Variants in PTPRM observed in about 807,000 individuals in gnomAD.
PTPRM encodes protein tyrosine phosphatase receptor type M.
Under a neutral mutation model 186.7 loss-of-function variants are expected in PTPRM, and 47 were observed. The ratio of observed to expected loss-of-function variants is 0.25; its 90% CI spans 0.20 to 0.32. The LOEUF (loss-of-function observed/expected upper bound fraction) is 0.32. PTPRM is among the 10% of genes least tolerant of loss of function. PTPRM has a pLI of 1.00. For synonymous variants in PTPRM, 668 were observed against 674.9 expected (o/e 0.99, Z 0.16); for missense variants, 1,494 against 1,865.0 (o/e 0.80, Z 3.66).
chr18:7,620,600 T>C (rs961470840), intron 1 of PTPRM, among the ~76,000 whole-genome samples: 1 of 152,174 alleles, frequency 6.6e-6, no homozygotes, highest in Non-Finnish European at 1.5e-5. Context: ...AGAATCTGCT[T>C]TTCACAAATG....
intron 19 of PTPRM, among the ~76,000 whole-genome samples, chr18:8,291,581 C>T (rs547977365): frequency 2.6e-5 from 4 of 152,228 alleles, no homozygotes; most frequent in Non-Finnish European, 5.9e-5. Flanking sequence ...TTTAAAAGAA[C>T]ATGTGTAACT....
intron 23 of PTPRM, among the ~76,000 whole-genome samples, chr18:8,351,332 A>G (rs954036617): frequency 1.3e-5 from 2 of 152,188 alleles, no homozygotes; most frequent in African/African-American, 2.4e-5. Context: ...TCCCATGCCC[A>G]TTGCAACATC....
chr18:8,159,869 A>T (rs1409195647), intron 14 of PTPRM, among the ~76,000 whole-genome samples: 1 of 152,190 alleles, frequency 6.6e-6, no homozygotes, highest in African/African-American at 2.4e-5. Context: ...TTTAAAAAAA[A>T]AATTTCAGGG....
Position 7,819,685 on chromosome 18 carries a change from TG to T in PTPRM, c.196+45416del, listed in dbSNP as rs368126931. Among the ~76,000 whole-genome samples, 16 of 152,332 alleles carry T rather than the reference TG, an allele frequency of 1.1e-4. No homozygotes were observed. The East Asian group carries it at 2.9e-3, about 28-fold the overall frequency. On this transcript the variant is annotated intron_variant, in intron 2 of 32. Coordinates refer to ENST00000580170, the MANE Select transcript of PTPRM (RefSeq NM_001105244.2). ...TCCTTGCAGTAAGGCAGGGCTCTAA[TG>T]GAGCTGACTAACACAAGCTGCCTAT...
chr18:8,307,995 T>C (rs1266469369), intron 20 of PTPRM, among the ~76,000 whole-genome samples: 1 of 152,130 alleles, frequency 6.6e-6, no homozygotes, highest in African/African-American at 2.4e-5. Flanking sequence ...ACATGAGCTA[T>C]TATTACAAGG....
intron 1 of PTPRM, among the ~76,000 whole-genome samples, chr18:7,574,269 TA>T (rs2036632095): frequency 6.6e-6 from 1 of 152,224 alleles, no homozygotes; most frequent in South Asian, 2.1e-4. Context: ...CAGCCAGTTG[TA>T]AAACTCAAAT....
chr18:8,002,188 T>C (rs1399493046), intron 7 of PTPRM, among the ~76,000 whole-genome samples: 1 of 152,050 alleles, frequency 6.6e-6, no homozygotes. Context: ...GACATTTAGG[T>C]GTCTGGATGC....
chr18:7,955,550 C>A, intron 7 of PTPRM, 136 bp downstream of exon 7: 2 of 1,012,320 alleles, frequency 2.0e-6, no homozygotes, highest in Non-Finnish European at 2.8e-6. Flanking sequence ...ATGCCCTTAG[C>A]CTGTGAATAG....
intron 5 of PTPRM, among the ~76,000 whole-genome samples, chr18:7,948,176 C>T (rs1026259728): frequency 7.2e-6 from 1 of 138,044 alleles, no homozygotes; most frequent in Non-Finnish European, 1.6e-5. Context: ...CACACACACA[C>T]AGGTTTCCGC....
intron 14 of PTPRM, among the ~76,000 whole-genome samples, chr18:8,166,199 C>G (rs1377888176): frequency 6.6e-6 from 1 of 152,164 alleles, no homozygotes; most frequent in African/African-American, 2.4e-5. Context: ...GGTTTCTCCT[C>G]CCAGCTCTGA....
intron 22 of PTPRM, among the ~76,000 whole-genome samples, chr18:8,337,398 T>C (rs7229251): frequency 0.038 from 5,802 of 152,168 alleles, 493 homozygotes; most frequent in Admixed American, 0.19. Context: ...CCTCAGAAAA[T>C]TTCAAGCTTC....
At chr18:7,797,833 A>C (rs2043745986) in intron 2 of PTPRM, among the ~76,000 whole-genome samples, 1 of 152,192 alleles carries the variant, frequency 6.6e-6, no homozygotes, top group Non-Finnish European at 1.5e-5. Flanking sequence ...GAGAGCTGCT[A>C]ATCTTAAATT....
rs56724615 is a variant in PTPRM, at chr18:7,884,924, C to CAAAA, written c.197-3158_197-3155dup. ...GGGCGACGAGAGCAAAGCTCCATCT[C>CAAAA]AAAAAAAAAAAAAAAAAAAAAAAAA... is the stretch of plus-strand genomic sequence containing the variant. On this transcript the variant is annotated intron_variant, in intron 2 of 32. Coordinates refer to ENST00000580170, the MANE Select transcript of PTPRM (RefSeq NM_001105244.2). Among the ~76,000 whole-genome samples, 246 of 37,832 alleles carry CAAAA rather than the reference C, an allele frequency of 6.5e-3. 47 individuals carry two copies. The highest frequency in any genetic ancestry group is 0.032 in the East Asian group (37 of 1,142). The allele number at this position is 37,832 out of a possible 152,430, so 24.8% of individuals were successfully genotyped here.
intron 14 of PTPRM, among the ~76,000 whole-genome samples, chr18:8,159,246 G>A (rs576033170): frequency 1.5e-4 from 23 of 152,186 alleles, no homozygotes; most frequent in African/African-American, 5.1e-4. Flanking sequence ...TTCTTGAATA[G>A]TAATATAAAT....
chr18:8,073,946 A>G (rs2089647191), intron 8 of PTPRM, among the ~76,000 whole-genome samples: 2 of 152,198 alleles, frequency 1.3e-5, no homozygotes, highest in South Asian at 4.1e-4. Flanking sequence ...CATTTTAGGA[A>G]TGAGGCAAAT....
In PTPRM at chr18:8,384,699, C is replaced by A. The variant is rs944906071; in HGVS notation, c.4044+13C>A. The A allele has an allele frequency of 5.6e-6, 9 of 1,613,432 alleles. No individual in the cohort carries two copies. Among genetic ancestry groups the A allele is most frequent in the Non-Finnish European group, 7.6e-6 (9 of 1,179,452 alleles). ...CAATGCCGCCAGAGTAAGAGACGGG[C>A]CTGTCATGCCTGTGATTATGGTTTC... On this transcript the variant is annotated intron_variant, in intron 30 of 32. Transcript: ENST00000580170.
chr18:7,992,395 C>T (rs2083311814), intron 7 of PTPRM, among the ~76,000 whole-genome samples: 1 of 152,150 alleles, frequency 6.6e-6, no homozygotes, highest in African/African-American at 2.4e-5. Context: ...TGTTGTTTCA[C>T]TCAGTGCTTC....
rs115761354 is a variant in PTPRM, at chr18:8,347,348, T to G, written c.3054+3828T>G. ...ACCACTGTGTCTGGACTCAGTGGCT[T>G]AAAAGGTTAAGCTGATTTTGTATGA... is the stretch of plus-strand genomic sequence containing the variant. On this transcript the variant is annotated intron_variant, in intron 23 of 32. Transcript: ENST00000580170. 4.5e-3 allele frequency among the ~76,000 whole-genome samples: 688 copies of G among 152,348 alleles called. 8 individuals are homozygous for G. The highest frequency in any genetic ancestry group is 0.015 in the African/African-American group (637 of 41,572).
chr18:8,028,999 A>G (rs1428236364), intron 7 of PTPRM, among the ~76,000 whole-genome samples: 1 of 151,712 alleles, frequency 6.6e-6, no homozygotes, highest in Non-Finnish European at 1.5e-5. Flanking sequence ...TAGGTCTTTC[A>G]TTCTCTTTCT....
Sources: allele counts gnomAD v4.1 joint callset (sites outside exome capture counted in the v4.1 genomes callset), GRCh38; gene constraint gnomAD v4.1.1; transcripts MANE v1.5; gene names NCBI Gene and HGNC (gene_info 2026-07-23, HGNC 2026-07-21).